PRKDC: variants seen among roughly 807,000 people sequenced by gnomAD.
PRKDC encodes the protein DNA-dependent protein kinase catalytic subunit.
In PRKDC, 82 loss-of-function variants were observed where a neutral mutation model predicts 486.9. That is an observed-to-expected ratio of 0.17 (90% CI 0.14 to 0.20). The LOEUF is 0.20. PRKDC is among the 10% of genes least tolerant of loss of function. The probability of loss-of-function intolerance (pLI) is 1.00; values close to 1 mark genes in which losing one functional copy is unlikely to be tolerated. For synonymous variants in PRKDC, 1,895 were observed against 1,837.0 expected (o/e 1.03, Z -0.81); for missense variants, 4,504 against 5,038.2 (o/e 0.89, Z 3.21).
At chr8:47,872,333 T>A (rs2088972430) in intron 40 of PRKDC, among the ~76,000 whole-genome samples, 1 of 149,430 alleles carries the variant, frequency 6.7e-6, no homozygotes, top group African/African-American at 2.5e-5. Context: ...CCCGAGAAAA[T>A]AACCTTCACT....
intron 69 of PRKDC, 70 bp downstream of exon 69, chr8:47,807,067 C>T: frequency 6.8e-7 from 1 of 1,461,604 alleles, no homozygotes; most frequent in Non-Finnish European, 9.2e-7. Flanking sequence ...TAAAGAAAAG[C>T]TAAAATTAGA....
At chr8:47,897,427 AT>A in intron 29 of PRKDC, 133 bp from the exon 30 acceptor site, 1 of 861,002 alleles carries the variant, frequency 1.2e-6, no homozygotes, top group Non-Finnish European at 1.7e-6. Flanking sequence ...CATTCGACTT[AT>A]TTTTAATGTA....
chr8:47,873,951 G>A (rs902645951), intron 40 of PRKDC, among the ~76,000 whole-genome samples: 2 of 151,102 alleles, frequency 1.3e-5, no homozygotes, highest in Non-Finnish European at 2.9e-5. Flanking sequence ...TTTGATGGCA[G>A]AATAGGGTGA....
intron 83 of PRKDC, 124 bp downstream of exon 83, chr8:47,778,335 C>T: frequency 1.9e-6 from 2 of 1,067,020 alleles, no homozygotes; most frequent in Non-Finnish European, 2.7e-6. Flanking sequence ...CATTCAATGA[C>T]CATGACAAAA....
intron 38 of PRKDC, among the ~76,000 whole-genome samples, chr8:47,879,932 C>T (rs1228143273): frequency 6.6e-6 from 1 of 151,024 alleles, no homozygotes; most frequent in Admixed American, 6.6e-5. Context: ...GCAACCTCCG[C>T]CTCCCGGGTT....
chr8:47,890,076 T>C (rs1478609012), intron 32 of PRKDC, among the ~76,000 whole-genome samples, 181 bp downstream of exon 32: 1 of 151,842 alleles, frequency 6.6e-6, no homozygotes, highest in African/African-American at 2.4e-5. Context: ...AAACCTAGCC[T>C]TCTCTTCCTG....
chr8:47,890,354 T>C lies in PRKDC; in HGVS notation c.3974A>G (p.Gln1325Arg). Residue 1325 changes from glutamine to arginine, a missense_variant, in exon 32 of 86, where the codon CAA becomes CGA. Transcript: ENST00000314191. ...TGAAGNRTSP[Q>R]EGERYNYSKC... Reference sequence around the variant, plus strand: ...GCTGTAGTTGTACCTTTCTCCCTCTTGTGGGCTTGTTCTGTTACCTGCTGC... The same window carrying C: ...GCTGTAGTTGTACCTTTCTCCCTCTCGTGGGCTTGTTCTGTTACCTGCTGC... The C allele has an allele frequency of 6.2e-7, 1 of 1,613,520 alleles. No individual in the cohort carries two copies. The highest frequency in any genetic ancestry group is 8.5e-7 in the Non-Finnish European group (1 of 1,179,756).
intron 39 of PRKDC, among the ~76,000 whole-genome samples, chr8:47,878,173 C>T (rs2089131341): frequency 6.8e-6 from 1 of 147,758 alleles, no homozygotes; most frequent in South Asian, 2.1e-4. Context: ...GACACGATCT[C>T]GGCTCACTGC....
At chr8:47,854,256 A>C (rs2088482186) in intron 50 of PRKDC, 42 bp from the exon 51 acceptor site, 1 of 1,598,044 alleles carries the variant, frequency 6.3e-7, no homozygotes, top group African/African-American at 1.3e-5. Flanking sequence ...ACTGTTGCAT[A>C]ATCAAGTAAG....
At chr8:47,896,039 G>A (rs780675341) in intron 30 of PRKDC, among the ~76,000 whole-genome samples, 23 of 151,924 alleles carry the variant, frequency 1.5e-4, no homozygotes, top group African/African-American at 5.3e-4. Flanking sequence ...ACTCTGTCTC[G>A]GGGGAAAAAA....
intron 1 of PRKDC, 86 bp from the exon 2 acceptor site, chr8:47,957,517 A>C: frequency 8.4e-7 from 1 of 1,187,318 alleles, no homozygotes; most frequent in Non-Finnish European, 1.2e-6. Flanking sequence ...TGATTTTCTT[A>C]TTATTTTTTT....
chr8:47,855,456 A>G lies in PRKDC; in HGVS notation c.6610-83T>C, dbSNP rs901056637. ...TTTAACTCAAGTTCATTTATAAAAG[A>G]AATCTGGCATTTTACAGGAGTCCGG... On this transcript the variant is annotated intron_variant, in intron 49 of 85. Coordinates refer to ENST00000314191, the MANE Select transcript of PRKDC (RefSeq NM_006904.7). The G allele has an allele frequency of 7.9e-6, 11 of 1,389,168 alleles. No homozygotes were observed. In the African/African-American group the frequency reaches 1.3e-4, roughly 17 times the overall value. 86.1% of individuals were successfully genotyped at this position (1,389,168 alleles called of 1,614,324 possible).
intron 16 of PRKDC, among the ~76,000 whole-genome samples, chr8:47,932,193 C>G (rs2090269190): frequency 6.6e-6 from 1 of 152,222 alleles, no homozygotes; most frequent in Non-Finnish European, 1.5e-5. Flanking sequence ...ATGCCATTCT[C>G]CTGCCTCAGC....
At chr8:47,844,808 A>C (rs1286255235) in intron 54 of PRKDC, among the ~76,000 whole-genome samples, 1 of 152,254 alleles carries the variant, frequency 6.6e-6, no homozygotes, top group Non-Finnish European at 1.5e-5. Context: ...AACAAAATTA[A>C]GGCAAGAATC....
chr8:47,857,186 A>T lies in PRKDC; in HGVS notation c.6579T>A (p.Ile2193=). 1 of 1,613,974 alleles carries T rather than the reference A, an allele frequency of 6.2e-7. No individual in the cohort carries two copies. The highest frequency in any genetic ancestry group is 8.5e-7 in the Non-Finnish European group (1 of 1,179,868). ...GAGTGGCCAAGCCTGTCCATGAAAG[A>T]ATAGTGGCCACTATCTCAACCACCA... ...HYMVVEIVAT[I]LSWTGLATPT... is the part of the protein sequence containing the mutation. The change falls in exon 49 of 86, where the codon ATT becomes ATA. Residue 2193 remains isoleucine, a synonymous_variant. Transcript: ENST00000314191.
rs750993849 is a variant in PRKDC, at chr8:47,890,444, G to A, written c.3884C>T (p.Ala1295Val). 15 of 1,576,926 alleles carry A rather than the reference G, an allele frequency of 9.5e-6. No homozygotes were observed. The highest frequency in any genetic ancestry group is 1.7e-6 in the Non-Finnish European group (2 of 1,160,096). The stretch of plus-strand genomic sequence containing the variant: ...CATGGCAATGCTTTCTAAGAAGAAA[G>A]CCACTGCTTTCAAAAGTGAAGACTG... ...EAQSSLLKAV[A>V]FFLESIAMHD... The change falls in exon 32 of 86, where the codon GCT (alanine) becomes GTT (valine). Residue 1295 changes from alanine to valine, a missense_variant. By Grantham distance (64) the Ala-to-Val change is moderately conservative. Around this residue, in one of 6 missense-constraint regions of PRKDC, gnomAD observed 1,969 missense variants for 2,068.9 expected, o/e 0.95. Transcript: ENST00000314191.
In PRKDC at chr8:47,839,186, C is replaced by T. The variant is rs773692505; in HGVS notation, c.7515G>A (p.Val2505=). The T allele has an allele frequency of 2.5e-6, 4 of 1,613,890 alleles. No homozygotes were observed. The highest frequency in any genetic ancestry group is 2.2e-5 in the South Asian group (2 of 91,058). Residue 2505 remains valine, a synonymous_variant, in exon 56 of 86, where the codon GTG becomes GTA. Transcript: ENST00000314191. ...SQEIFKLAKD[V]LIQGLIDENP... ...TCTCATCGATCAATCCTTGAATCAGCACATCTTTTGCCAACTTAAATATTT... is the reference window on the plus strand; with the variant it reads ...TCTCATCGATCAATCCTTGAATCAGTACATCTTTTGCCAACTTAAATATTT...
intron 59 of PRKDC, among the ~76,000 whole-genome samples, chr8:47,832,944 T>C (rs1367110690): frequency 6.6e-6 from 1 of 152,190 alleles, no homozygotes. Context: ...CCAAGGAGGA[T>C]GGCACCAGGC....
chr8:47,828,121 A>G (rs1216277075), intron 62 of PRKDC, 47 bp downstream of exon 62: 3 of 1,554,860 alleles, frequency 1.9e-6, no homozygotes, highest in Non-Finnish European at 2.6e-6. Flanking sequence ...GGCCATGTGA[A>G]GCCACAGCAA....
Sources: gnomAD v4.1 joint callset for allele counts (sites outside exome capture counted in the v4.1 genomes callset) on GRCh38, gnomAD v4.1.1 for gene constraint, gnomAD v4.1.1 regional missense constraint, MANE v1.5 for transcripts, NCBI Gene and HGNC (gene_info 2026-07-23, HGNC 2026-07-21) for gene names.